PARG: variants seen among roughly 807,000 people sequenced by gnomAD.
The protein encoded by PARG is poly(ADP-ribose) glycohydrolase, also known as mitochondrial poly(ADP-ribose) glycohydrolase.
Under a neutral mutation model 113.0 loss-of-function variants are expected in PARG, and 35 were observed. The observed-to-expected ratio is 0.31, with a 90% confidence interval of 0.24 to 0.41. The LOEUF (loss-of-function observed/expected upper bound fraction) is 0.41. PARG is among the 10% of genes least tolerant of loss of function. The probability of loss-of-function intolerance (pLI) is 1.00; values close to 1 mark genes in which losing one functional copy is unlikely to be tolerated. For missense variants in PARG, 797 were observed against 1,169.4 expected (o/e 0.68, Z 4.64); for synonymous variants, 330 against 409.9 (o/e 0.81, Z 2.36).
chr10:49,883,666 T>C (rs1382358815), intron 8 of PARG, among the ~76,000 whole-genome samples: 1 of 151,890 alleles, frequency 6.6e-6, no homozygotes, highest in Non-Finnish European at 1.5e-5. Flanking sequence ...CCGAGTGTAG[T>C]GGCACACGCC....
rs141136319 is a variant in PARG at position 49,919,813 on chromosome 10, G to A, written c.1662+2523C>T. On this transcript the variant is annotated intron_variant, in intron 6 of 17. Coordinates refer to ENST00000616448, the MANE Select transcript of PARG (RefSeq NM_003631.5). ...TGAGAATCGCTTGAGCCAGGGAGGT[G>A]TAGGTTGCAGTGAGCTGAGATCGTG... is the stretch of plus-strand genomic sequence containing the variant. Among the ~76,000 whole-genome samples, 795 of 152,284 alleles carry A rather than the reference G, an allele frequency of 5.2e-3. 7 individuals carry two copies. Among genetic ancestry groups the A allele is most frequent in the South Asian group, 0.027 (130 of 4,824 alleles).
chr10:49,836,305 G>A (rs1172134752), intron 15 of PARG, among the ~76,000 whole-genome samples: 1 of 45,192 alleles, frequency 2.2e-5, no homozygotes, highest in Non-Finnish European at 5.8e-5. Context: ...GATTTCTTAC[G>A]ACTTTTTTTT....
In PARG at chr10:49,932,124, A is replaced by G; in HGVS notation, c.1431T>C (p.Ser477=). Residue 477 remains serine, a synonymous_variant, in exon 4 of 18, where the codon TCT becomes TCC. Coordinates refer to ENST00000616448, the MANE Select transcript of PARG (RefSeq NM_003631.5). ...CCCGAATAGTTACTGTGTGATTGGC[A>G]GATGGTCTCAAGAGAGGCAGCCGGA... ...CGIRLPLLRP[S]ANHTVTIRVD... 5 of 1,602,592 alleles carry G rather than the reference A, an allele frequency of 3.1e-6. No individual in the cohort carries two copies. The South Asian group carries it at 5.5e-5, about 18-fold the overall frequency.
At chr10:49,880,212 T>C (rs1200788207) in intron 8 of PARG, among the ~76,000 whole-genome samples, 1 of 152,236 alleles carries the variant, frequency 6.6e-6, no homozygotes, top group Non-Finnish European at 1.5e-5. Context: ...TTATTTATAT[T>C]AAAAATTATT....
At chr10:49,904,321 G>GA (rs1354002074) in intron 7 of PARG, among the ~76,000 whole-genome samples, 2 of 151,344 alleles carry the variant, frequency 1.3e-5, no homozygotes, top group Non-Finnish European at 2.9e-5. Flanking sequence ...AAGAGCAAAA[G>GA]AAAAAAGATT....
intron 6 of PARG, among the ~76,000 whole-genome samples, chr10:49,920,329 G>A (rs1554848789): frequency 1.3e-5 from 2 of 150,228 alleles, no homozygotes; most frequent in African/African-American, 4.9e-5. Flanking sequence ...CACACCTGTA[G>A]TCCCTGCTAC....
At chr10:49,829,194 C>T (rs1212532894) in intron 16 of PARG, among the ~76,000 whole-genome samples, 2 of 152,016 alleles carry the variant, frequency 1.3e-5, no homozygotes, top group Non-Finnish European at 2.9e-5. Flanking sequence ...CGAGATAGTG[C>T]CACTGCATTC....
chr10:49,835,806 T>TA (rs1844889651), intron 15 of PARG, among the ~76,000 whole-genome samples: 1 of 152,032 alleles, frequency 6.6e-6, no homozygotes, highest in Non-Finnish European at 1.5e-5. Flanking sequence ...CCCAAGCAGA[T>TA]AGACAGTTAC....
chr10:49,921,544 G>A (rs1554849332), intron 6 of PARG, among the ~76,000 whole-genome samples: 3 of 151,652 alleles, frequency 2.0e-5, no homozygotes, highest in African/African-American at 7.3e-5. Context: ...AAAAAAACAG[G>A]AGCTACAGAA....
intron 11 of PARG, among the ~76,000 whole-genome samples, chr10:49,864,618 T>TG: frequency 7.7e-6 from 1 of 129,042 alleles, no homozygotes; most frequent in East Asian, 2.1e-4. Context: ...TTAAGTGTCC[T>TG]GGGGGACTTG....
At chr10:49,822,915 C>CA (rs1185570837) in intron 16 of PARG, among the ~76,000 whole-genome samples, 1 of 151,578 alleles carries the variant, frequency 6.6e-6, no homozygotes, top group Non-Finnish European at 1.5e-5. Context: ...TCATAAGAGA[C>CA]AAAAAAAGGC....
chr10:49,934,981 C>T, intron 2 of PARG, 95 bp downstream of exon 2: 1 of 647,686 alleles, frequency 1.5e-6, no homozygotes. Flanking sequence ...TAAAGGAGAA[C>T]AGAAAAGCAT....
At chr10:49,927,414 GA>G in intron 4 of PARG, among the ~76,000 whole-genome samples, 1 of 123,838 alleles carries the variant, frequency 8.1e-6, no homozygotes, top group Non-Finnish European at 1.9e-5. Context: ...AAGAAAGAAA[GA>G]AAGAAAAATA....
At chr10:49,926,723 C>T (rs1838185501) in intron 4 of PARG, among the ~76,000 whole-genome samples, 1 of 152,246 alleles carries the variant, frequency 6.6e-6, no homozygotes, top group African/African-American at 2.4e-5. Context: ...TGCAACCCCA[C>T]TTCAAGATAT....
intron 7 of PARG, among the ~76,000 whole-genome samples, chr10:49,901,677 A>G (rs1464292449): frequency 6.6e-6 from 1 of 152,000 alleles, no homozygotes; most frequent in Non-Finnish European, 1.5e-5. Context: ...ATGCAAATAC[A>G]TTTGTAGTTA....
chr10:49,920,466 ATATAT>A (rs1564658294), intron 6 of PARG, among the ~76,000 whole-genome samples: 81 of 70,664 alleles, frequency 1.1e-3, no homozygotes, highest in East Asian at 0.01. Context: ...AAAAAAAAAT[ATATAT>A]ATATATATAT....
At chr10:49,842,525 AAAT>A (rs1179656369) in intron 14 of PARG, among the ~76,000 whole-genome samples, 52 of 152,346 alleles carry the variant, frequency 3.4e-4, no homozygotes, top group Non-Finnish European at 1.3e-4. Context: ...AGTGTTACAA[AAAT>A]GTGAAATAAT....
At chr10:49,866,113 C>T (rs1846501601) in intron 10 of PARG, among the ~76,000 whole-genome samples, 2 of 151,148 alleles carry the variant, frequency 1.3e-5, no homozygotes, top group African/African-American at 2.4e-5. Context: ...GGATGAGATC[C>T]TTTTCTAGTC....
rs181642123 is a variant in PARG at position 49,880,820 on chromosome 10, C to G, written c.1831-990G>C. On this transcript the variant is annotated intron_variant, in intron 8 of 17. Coordinates refer to ENST00000616448, the MANE Select transcript of PARG (RefSeq NM_003631.5). ...CAAATCTTTTTATAATAATAAGACT[C>G]AATTCCAGCCTGACTCGAGTATAGC... 1.3e-3 allele frequency among the ~76,000 whole-genome samples: 192 copies of G among 152,302 alleles called. 1 individual carries two copies. Among genetic ancestry groups the G allele is most frequent in the African/African-American group, 4.4e-3 (183 of 41,556 alleles).
Sources: gnomAD v4.1 joint callset for allele counts (sites outside exome capture counted in the v4.1 genomes callset) on GRCh38, gnomAD v4.1.1 for gene constraint, MANE v1.5 for transcripts, NCBI Gene and HGNC (gene_info 2026-07-23, HGNC 2026-07-21) for gene names.